The following TEK variants were observed in gnomAD, a reference collection of about 807,000 sequenced individuals.
TEK encodes the protein angiopoietin-1 receptor.
In TEK, 43 loss-of-function variants were observed where a neutral mutation model predicts 131.8. That is an observed-to-expected ratio of 0.33 (90% confidence interval 0.26 to 0.42). The LOEUF is 0.42. Ranked by LOEUF, TEK falls within the 10% of genes least tolerant of loss-of-function variation. The probability of loss-of-function intolerance (pLI) is 1.00; values close to 1 mark genes in which losing one functional copy is unlikely to be tolerated. For missense variants in TEK, 1,162 were observed against 1,384.4 expected (o/e 0.84, Z 2.55); for synonymous variants, 580 against 491.6 (o/e 1.18, Z -2.38).
intron 1 of TEK, among the ~76,000 whole-genome samples, chr9:27,132,309 A>G (rs1822258461): frequency 6.6e-6 from 1 of 151,950 alleles, no homozygotes; most frequent in African/African-American, 2.4e-5. Flanking sequence ...GCTGGTCTTG[A>G]ACTCCTGACC....
intron 1 of TEK, among the ~76,000 whole-genome samples, chr9:27,151,587 T>G (rs1162168436): frequency 6.6e-6 from 1 of 152,224 alleles, no homozygotes; most frequent in Non-Finnish European, 1.5e-5. Context: ...CAGTCAAGTC[T>G]GATAAAGTTT....
intron 18 of TEK, among the ~76,000 whole-genome samples, chr9:27,215,403 A>C (rs1351262718): frequency 6.6e-6 from 1 of 152,128 alleles, no homozygotes; most frequent in Non-Finnish European, 1.5e-5. Context: ...CCTAGAGAAC[A>C]CAGTGGCTAC....
intron 1 of TEK, among the ~76,000 whole-genome samples, chr9:27,111,427 A>G (rs1821341449): frequency 6.6e-6 from 1 of 152,108 alleles, no homozygotes; most frequent in African/African-American, 2.4e-5. Context: ...CCTCTAGTCA[A>G]ACTCCTGGTA....
At chr9:27,190,009 C>T (rs1824752274) in intron 9 of TEK, among the ~76,000 whole-genome samples, 1 of 152,150 alleles carries the variant, frequency 6.6e-6, no homozygotes, top group African/African-American at 2.4e-5. Context: ...TACCTTAATT[C>T]AGTTTCTATG....
At chr9:27,170,615 C>CAAAAAG (rs1258778589) in intron 4 of TEK, among the ~76,000 whole-genome samples, 1 of 151,860 alleles carries the variant, frequency 6.6e-6, no homozygotes, top group African/African-American at 2.4e-5. Context: ...AAAACAAAAA[C>CAAAAAG]AAAAACTATA....
intron 17 of TEK, 63 bp downstream of exon 17, chr9:27,212,960 A>G (rs1587027061): frequency 6.4e-7 from 1 of 1,563,298 alleles, no homozygotes; most frequent in East Asian, 2.3e-5. Flanking sequence ...AGTCAGTTTC[A>G]ATATGTTTGT....
rs1365008421 is a variant in TEK, at chr9:27,185,644, C to T, written c.1327+15C>T. On this transcript the variant is annotated intron_variant, in intron 9 of 22. Coordinates refer to ENST00000380036, the MANE Select transcript of TEK (RefSeq NM_000459.5). ...TTCTGTTAAAGGTAAGTTCATTTCC[C>T]AGAAAAAGGGATTGTGTCCTTGATG... The T allele has an allele frequency of 1.2e-6, 2 of 1,613,340 alleles. No individual in the cohort carries two copies. Among genetic ancestry groups the T allele is most frequent in the Admixed American group, 1.7e-5 (1 of 59,914 alleles).
chr9:27,203,843 C>A (rs530535793), intron 13 of TEK, among the ~76,000 whole-genome samples: 31 of 152,202 alleles, frequency 2.0e-4, no homozygotes, highest in Non-Finnish European at 3.4e-4. Flanking sequence ...GGATTACAGT[C>A]TGTTTTTAAA....
rs370591821 is a variant in TEK, at chr9:27,213,597, G to C, written c.2991G>C (p.Met997Ile). ...AAGAGGTGTATGTGAAAAAGACAAT[G>C]GTAAGTGCCAGACACAGACACTGAT... ...RGQEVYVKKT[M>I]GRLPVRWMAI... Residue 997 changes from methionine to isoleucine, a missense_variant and splice_region_variant, in exon 18 of 23, where the codon ATG (methionine) becomes ATC (isoleucine). By Grantham distance (10) the Met-to-Ile change is conservative. Around this residue, in one of 6 missense-constraint regions of TEK, gnomAD observed 107 missense variants for 173.9 expected, o/e 0.62. Transcript: ENST00000380036. The C allele has an allele frequency of 6.2e-7, 1 of 1,607,728 alleles. No homozygotes were observed. Among genetic ancestry groups the C allele is most frequent in the South Asian group, 1.1e-5 (1 of 90,894 alleles).
At chr9:27,162,853 C>G (rs1041972319) in intron 2 of TEK, among the ~76,000 whole-genome samples, 2 of 152,012 alleles carry the variant, frequency 1.3e-5, no homozygotes, top group African/African-American at 2.4e-5. Context: ...GCAGCTGGGA[C>G]TACAGGTGCG....
Position 27,169,458 on chromosome 9 carries a change from C to T in TEK, c.476-19C>T. 3.7e-6 allele frequency: 6 copies of T among 1,613,628 alleles called. No individual in the cohort carries two copies. The highest frequency in any genetic ancestry group is 5.1e-6 in the Non-Finnish European group (6 of 1,179,788). ...TGTTTCAGTGTGACCTACGGTTCTT[C>T]ACTCTTCCCTCTTACTAGGTTCCTT... is the stretch of plus-strand genomic sequence containing the variant. On this transcript the variant is annotated intron_variant, in intron 3 of 22. Transcript: ENST00000380036.
chr9:27,210,756 C>T (rs557498753), intron 16 of TEK: 2 of 152,112 alleles, frequency 1.3e-5, no homozygotes, highest in East Asian at 1.9e-4. Flanking sequence ...GGAAAAAAAA[C>T]CACAACAACA....
In TEK at chr9:27,213,505, G is replaced by T. The variant is rs1825708343; in HGVS notation, c.2899G>T (p.Ala967Ser). 1.9e-6 allele frequency: 3 copies of T among 1,613,990 alleles called. No homozygotes were observed. Among genetic ancestry groups the T allele is most frequent in the South Asian group, 1.1e-5 (1 of 91,074 alleles). ...QKQFIHRDLA[A>S]RNILVGENYV... ...TCAGTTTATCCACAGGGATCTGGCT[G>T]CCAGAAACATTTTAGTTGGTGAAAA... is the stretch of plus-strand genomic sequence containing the variant. The change falls in exon 18 of 23, where the codon GCC becomes TCC. Residue 967 changes from alanine (A) to serine (S), a missense_variant. Transcript: ENST00000380036.
intron 21 of TEK, among the ~76,000 whole-genome samples, chr9:27,223,135 A>G (rs769410752): frequency 1.3e-5 from 2 of 151,734 alleles, no homozygotes; most frequent in Non-Finnish European, 2.9e-5. Flanking sequence ...GCAAGTTCTT[A>G]GAGAACTGCA....
chr9:27,114,937 A>G (rs536960179), intron 1 of TEK, among the ~76,000 whole-genome samples: 10 of 152,322 alleles, frequency 6.6e-5, no homozygotes, highest in Admixed American at 1.3e-4. Flanking sequence ...TATCCTTTCA[A>G]TAAACAAAGA....
At chr9:27,168,415 T>G in intron 2 of TEK, 80 bp from the exon 3 acceptor site, 1 of 1,123,174 alleles carries the variant, frequency 8.9e-7, no homozygotes, top group Non-Finnish European at 1.3e-6. Context: ...CAGCCCTCAT[T>G]TTCTGAGTCT....
intron 11 of TEK, among the ~76,000 whole-genome samples, chr9:27,196,589 G>A (rs621629): frequency 0.98 from 148,344 of 152,122 alleles, 72,341 homozygotes; most frequent in East Asian, 1. Flanking sequence ...TTTTTACCAA[G>A]CCAAACAGTA....
intron 21 of TEK, among the ~76,000 whole-genome samples, chr9:27,227,011 C>A (rs768356463): frequency 6.6e-5 from 10 of 150,948 alleles, no homozygotes; most frequent in Non-Finnish European, 1.3e-4. Flanking sequence ...ACATAGTTGA[C>A]CATCACTAGA....
In TEK at chr9:27,178,046, G is replaced by A. The variant is rs572115158; in HGVS notation, c.902-2194G>A. Among the ~76,000 whole-genome samples the A allele has an allele frequency of 2.5e-3, 374 of 152,222 alleles. 2 individuals are homozygous for A. Among genetic ancestry groups the A allele is most frequent in the Middle Eastern group, 3.4e-3 (1 of 292 alleles). On this transcript the variant is annotated intron_variant, in intron 6 of 22. Transcript: ENST00000380036. Reference sequence around the variant, plus strand: ...TCCAAAAAAATCATTGCCCGGATCAGTATCAAGAAGCTTTTCCCGTCTGTT... The same window carrying A: ...TCCAAAAAAATCATTGCCCGGATCAATATCAAGAAGCTTTTCCCGTCTGTT...
Sources: allele counts gnomAD v4.1 joint callset (sites outside exome capture counted in the v4.1 genomes callset), GRCh38; gene constraint gnomAD v4.1.1; regional missense constraint gnomAD v4.1.1; transcripts MANE v1.5; gene names NCBI Gene and HGNC (gene_info 2026-07-23, HGNC 2026-07-21).